The following MYO16 variants were observed in gnomAD, a reference collection of about 807,000 sequenced individuals.
The protein encoded by MYO16 is unconventional myosin-XVI.
A neutral mutation model predicts 205.3 loss-of-function variants in MYO16; 94 were observed. That is an observed-to-expected ratio of 0.46 (90% CI 0.39 to 0.54). The LOEUF (loss-of-function observed/expected upper bound fraction) is 0.54, where lower values mean the gene tolerates loss of function less well. Among genes scored for constraint, MYO16 ranks in the 20% least tolerant of loss-of-function variants. The pLI, the probability that MYO16 is intolerant of heterozygous loss-of-function variation, is 0.00. For missense variants in MYO16, 2,315 were observed against 2,387.5 expected, an observed-to-expected ratio of 0.97 and a Z score of 0.63; for synonymous variants, 988 against 954.0, an observed-to-expected ratio of 1.04 and a Z score of -0.66.
intron 16 of MYO16, among the ~76,000 whole-genome samples, chr13:108,918,596 C>T (rs1448103405): frequency 6.6e-6 from 1 of 152,214 alleles, no homozygotes; most frequent in East Asian, 1.9e-4. Context: ...GTCCTGGCCA[C>T]TGACTGCTAA....
the MYO16 span, among the ~76,000 whole-genome samples, chr13:108,498,593 G>A: frequency 6.6e-6 from 1 of 152,206 alleles, no homozygotes; most frequent in Non-Finnish European, 1.5e-5. Flanking sequence ...AGAGAGCAAA[G>A]AGTGAGCATG....
At chr13:109,082,822 T>C (rs566488308) in intron 27 of MYO16, among the ~76,000 whole-genome samples, 1 of 151,696 alleles carries the variant, frequency 6.6e-6, no homozygotes, top group South Asian at 2.1e-4. Context: ...AAAAAGCAGG[T>C]ACCAAGCAGA....
At chr13:109,061,682 A>T (rs1414712288) in intron 27 of MYO16, among the ~76,000 whole-genome samples, 1 of 152,170 alleles carries the variant, frequency 6.6e-6, no homozygotes, top group Non-Finnish European at 1.5e-5. Context: ...ACCACAGGTC[A>T]CCATAACAGA....
At chr13:109,036,611 G>A (rs543127414) in intron 23 of MYO16, among the ~76,000 whole-genome samples, 1 of 152,240 alleles carries the variant, frequency 6.6e-6, no homozygotes, top group East Asian at 1.9e-4. Flanking sequence ...TAAGCAAAAT[G>A]CTAAGTTTTC....
intron 14 of MYO16, among the ~76,000 whole-genome samples, chr13:108,894,533 A>G (rs1298872438): frequency 6.6e-6 from 1 of 152,158 alleles, no homozygotes; most frequent in South Asian, 2.1e-4. Flanking sequence ...GAAGAGAGAG[A>G]AGGAGGAAGA....
At chr13:108,585,430 G>T in the MYO16 span, among the ~76,000 whole-genome samples, 11 of 152,338 alleles carry the variant, frequency 7.2e-5, no homozygotes, top group Non-Finnish European at 1.3e-4. Context: ...GAAGATAAAG[G>T]ATTGTGGAAA....
At chr13:108,560,759 A>G in the MYO16 span, among the ~76,000 whole-genome samples, 36 of 152,342 alleles carry the variant, frequency 2.4e-4, no homozygotes, top group African/African-American at 8.2e-4. Flanking sequence ...TTTAGATGAC[A>G]TTTATAAATT....
In MYO16 at chr13:108,683,904, T is replaced by C. The variant is rs142867953; in HGVS notation, c.292+17755T>C. Among the ~76,000 whole-genome samples, 838 of 152,318 alleles carry C rather than the reference T, an allele frequency of 5.5e-3. 7 individuals are homozygous for C. The highest frequency in any genetic ancestry group is 0.01 in the Middle Eastern group (3 of 294). Reference sequence around the variant, plus strand: ...GCCTTCTTTTCGTTTTTAGAAACAGTCTCGCTCTGTCGCCAGGCTGGAGTG... The same window carrying C: ...GCCTTCTTTTCGTTTTTAGAAACAGCCTCGCTCTGTCGCCAGGCTGGAGTG... On this transcript the variant is annotated intron_variant, in intron 2 of 34. Coordinates refer to ENST00000457511, the MANE Select transcript of MYO16 (RefSeq NM_001198950.3).
intron 4 of MYO16, among the ~76,000 whole-genome samples, chr13:108,774,962 T>A (rs929636413): frequency 6.6e-6 from 1 of 152,158 alleles, no homozygotes; most frequent in Admixed American, 6.5e-5. Context: ...TTACTTAAGA[T>A]TTAGAAAATG....
intron 4 of MYO16, among the ~76,000 whole-genome samples, chr13:108,783,800 C>T (rs1021452400): frequency 6.6e-6 from 1 of 152,150 alleles, no homozygotes; most frequent in Non-Finnish European, 1.5e-5. Context: ...TTTACTGACG[C>T]CTTGTAAGAA....
chr13:108,536,973 T>C, the MYO16 span, among the ~76,000 whole-genome samples: 1 of 152,176 alleles, frequency 6.6e-6, no homozygotes, highest in South Asian at 2.1e-4. Context: ...ATTATGCTCT[T>C]TCTTTATTTT....
intron 21 of MYO16, among the ~76,000 whole-genome samples, chr13:109,001,095 A>G (rs1566454267): frequency 6.6e-6 from 1 of 151,698 alleles, no homozygotes; most frequent in Non-Finnish European, 1.5e-5. Context: ...AATTTGTTAT[A>G]TATACTTTAA....
intron 1 of MYO16, among the ~76,000 whole-genome samples, chr13:108,616,549 C>T (rs1030623199): frequency 1.3e-5 from 2 of 152,134 alleles, no homozygotes; most frequent in East Asian, 1.9e-4. Context: ...TTCCCTTGTT[C>T]GTGTATAAAC....
intron 25 of MYO16, among the ~76,000 whole-genome samples, chr13:109,053,152 C>A (rs528981185): frequency 6.6e-6 from 1 of 152,098 alleles, no homozygotes; most frequent in African/African-American, 2.4e-5. Flanking sequence ...TCTACCAAAA[C>A]TATAAAAGAT....
intron 20 of MYO16, 151 bp from the exon 21 acceptor site, chr13:108,992,225 A>T: frequency 2.0e-6 from 1 of 506,520 alleles, no homozygotes; most frequent in Non-Finnish European, 3.4e-6. Flanking sequence ...AGTTTTTTTT[A>T]ATGAGACTCT....
intron 28 of MYO16, among the ~76,000 whole-genome samples, chr13:109,115,967 AAACAAAC>A (rs774094267): frequency 1.1e-4 from 16 of 151,286 alleles, no homozygotes; most frequent in East Asian, 1.9e-4. Context: ...CATCTCAAAA[AAACAAAC>A]AAACAAACAA....
chr13:108,881,181 C>A (rs866163125), intron 12 of MYO16, among the ~76,000 whole-genome samples: 1 of 152,196 alleles, frequency 6.6e-6, no homozygotes, highest in East Asian at 1.9e-4. Flanking sequence ...CAAACAGGGT[C>A]TGGAGTGGAC....
intron 24 of MYO16, chr13:109,048,901 C>T (rs1162362674): frequency 7.7e-6 from 1 of 130,074 alleles, no homozygotes; most frequent in Admixed American, 9.3e-5. Flanking sequence ...TAGAGACACA[C>T]AGCAAATACA....
chr13:109,174,909 A>T (rs1032985034), intron 33 of MYO16, among the ~76,000 whole-genome samples: 2 of 145,972 alleles, frequency 1.4e-5, no homozygotes, highest in African/African-American at 2.5e-5. Flanking sequence ...ATGCCACCAC[A>T]TTTTTTTTTT....
Sources: allele counts gnomAD v4.1 joint callset (sites outside exome capture counted in the v4.1 genomes callset), GRCh38; gene constraint gnomAD v4.1.1; transcripts MANE v1.5; gene names NCBI Gene and HGNC (gene_info 2026-07-23, HGNC 2026-07-21).